The following CLIC5 variants were observed in gnomAD, a reference collection of about 807,000 sequenced individuals.
CLIC5 encodes CLIC family member 5, also known as chloride intracellular channel protein 5.
In CLIC5, 20 loss-of-function variants were observed where a neutral mutation model predicts 24.7. That is an observed-to-expected ratio of 0.81 (90% CI 0.57 to 1.18). The LOEUF (loss-of-function observed/expected upper bound fraction) is 1.18, where lower values mean the gene tolerates loss of function less well. Ranked by LOEUF, CLIC5 falls within the 50% of genes most tolerant of loss-of-function variation. The probability of loss-of-function intolerance (pLI) is 0.00; values close to 1 mark genes in which losing one functional copy is unlikely to be tolerated. For missense variants in CLIC5, 341 were observed against 326.1 expected (o/e 1.05, Z -0.35); for synonymous variants, 159 against 135.6 (o/e 1.17, Z -1.20).
At chr6:45,920,795 G>T in intron 4 of CLIC5, 1 of 255,160 alleles carries the variant, frequency 3.9e-6, no homozygotes, top group Non-Finnish European at 6.2e-6. Context: ...GGATTGGGAG[G>T]GTGAGGAAAA....
At chr6:45,958,280 T>C (rs12192179) in intron 1 of CLIC5, among the ~76,000 whole-genome samples, 1 of 150,830 alleles carries the variant, frequency 6.6e-6, no homozygotes, top group East Asian at 2.0e-4. Flanking sequence ...AAGAGACAAG[T>C]AGAGCCTGGC....
At chr6:46,002,350 T>A (rs912327709) in intron 1 of CLIC5, among the ~76,000 whole-genome samples, 4 of 152,148 alleles carry the variant, frequency 2.6e-5, no homozygotes, top group African/African-American at 9.7e-5. Context: ...TTCTCTCAAG[T>A]CAGTGGCTTC....
At chr6:46,044,279 C>T (rs929428035) in intron 1 of CLIC5, among the ~76,000 whole-genome samples, 2 of 152,246 alleles carry the variant, frequency 1.3e-5, no homozygotes, top group South Asian at 2.1e-4. Context: ...AAAATAACCA[C>T]CTCAGATCAT....
At chr6:46,000,853 G>A (rs951162764) in intron 1 of CLIC5, among the ~76,000 whole-genome samples, 2 of 152,070 alleles carry the variant, frequency 1.3e-5, no homozygotes, top group Non-Finnish European at 2.9e-5. Flanking sequence ...GATTTGGGTG[G>A]GGATGCAGAG....
In CLIC5 at chr6:45,902,522, T is replaced by C. The variant is rs1762537218; in HGVS notation, c.*566A>G. 1 of 153,960 alleles carries C rather than the reference T, an allele frequency of 6.5e-6. No individual in the cohort carries two copies. Among genetic ancestry groups the C allele is most frequent in the East Asian group, 1.9e-4 (1 of 5,200 alleles). 9.5% of individuals were successfully genotyped at this position (153,960 alleles called of 1,614,324 possible). A position where few individuals can be genotyped will look rare whatever the true frequency, so the allele number is the denominator to read the frequency against. ...TCAAGTGACTTTCCAGTCTGGCCCTTAGTGCCCAATAACCAGAGTGTCAGA... is the reference window on the plus strand; with the variant it reads ...TCAAGTGACTTTCCAGTCTGGCCCTCAGTGCCCAATAACCAGAGTGTCAGA... On this transcript the variant is annotated 3_prime_UTR_variant, in exon 6 of 6. Transcript: ENST00000339561.
At chr6:46,085,034 T>C (rs1763001486), upstream of CLIC5, among the ~76,000 whole-genome samples, 1 of 152,222 alleles carries the variant, frequency 6.6e-6, no homozygotes, top group South Asian at 2.1e-4. Context: ...TCATCTTCCA[T>C]CACTGATATC....
intron 1 of CLIC5, among the ~76,000 whole-genome samples, chr6:46,032,992 T>C (rs1385747652): frequency 6.9e-6 from 1 of 143,972 alleles, no homozygotes; most frequent in Admixed American, 6.9e-5. Flanking sequence ...TTTTTTTTTT[T>C]TTTTTTTTTT....
intron 1 of CLIC5, among the ~76,000 whole-genome samples, chr6:45,956,472 T>C (rs1178441435): frequency 2.8e-5 from 1 of 35,618 alleles, no homozygotes; most frequent in East Asian, 6.6e-4. Context: ...CTTACTGAGT[T>C]TTTTTTTTTT....
At chr6:46,107,725 TA>T in the CLIC5 span, among the ~76,000 whole-genome samples, 1 of 152,136 alleles carries the variant, frequency 6.6e-6, no homozygotes, top group East Asian at 1.9e-4. Context: ...ATTGAAGGAA[TA>T]AAAATAATAA....
intron 1 of CLIC5, among the ~76,000 whole-genome samples, chr6:45,960,459 G>C (rs953279869): frequency 3.3e-5 from 5 of 152,190 alleles, no homozygotes; most frequent in African/African-American, 1.2e-4. Flanking sequence ...GAGAACTAGA[G>C]GGGCACTGCA....
chr6:45,968,942 A>G (rs1538331), intron 1 of CLIC5, among the ~76,000 whole-genome samples: 103,879 of 152,076 alleles, frequency 0.68, 35,959 homozygotes, highest in Admixed American at 0.75. Context: ...TGTGTGACCT[A>G]GGGCAAGTAA....
intron 1 of CLIC5, among the ~76,000 whole-genome samples, chr6:46,024,328 G>A (rs1169369087): frequency 6.6e-6 from 1 of 152,146 alleles, no homozygotes; most frequent in Non-Finnish European, 1.5e-5. Flanking sequence ...TCAGAACACT[G>A]CAATCTCTAG....
At chr6:45,891,001 A>G (rs1246855717) in intron 6 of CLIC5, among the ~76,000 whole-genome samples, 1 of 152,192 alleles carries the variant, frequency 6.6e-6, no homozygotes, top group Non-Finnish European at 1.5e-5. Context: ...AGTGTTGGCA[A>G]TCTATTGCAC....
chr6:46,025,549 T>C (rs2127452568), intron 1 of CLIC5, among the ~76,000 whole-genome samples: 1 of 152,362 alleles, frequency 6.6e-6, no homozygotes, highest in East Asian at 1.9e-4. Flanking sequence ...AGTATGACTT[T>C]ATTACTAATG....
intron 1 of CLIC5, among the ~76,000 whole-genome samples, chr6:46,028,481 A>C (rs1562013027): frequency 6.6e-6 from 1 of 152,230 alleles, no homozygotes; most frequent in East Asian, 1.9e-4. Flanking sequence ...TGAAGATAAA[A>C]TATTGTAATA....
At chr6:46,006,127 C>CGTATAT (rs1480746262) in intron 1 of CLIC5, among the ~76,000 whole-genome samples, 10 of 35,180 alleles carry the variant, frequency 2.8e-4, no homozygotes, top group Non-Finnish European at 4.5e-4. Flanking sequence ...TGTATAAATA[C>CGTATAT]ATATATATAT....
chr6:45,962,888 G>T (rs369943870), intron 1 of CLIC5, among the ~76,000 whole-genome samples: 2 of 152,178 alleles, frequency 1.3e-5, no homozygotes, highest in South Asian at 2.1e-4. Context: ...GCCCATTGGG[G>T]TGTCTGTCCT....
intron 5 of CLIC5, among the ~76,000 whole-genome samples, chr6:45,909,887 G>T (rs1209052294): frequency 6.6e-6 from 1 of 152,208 alleles, no homozygotes; most frequent in East Asian, 1.9e-4. Context: ...CCCATTCAGA[G>T]AAGCCCCAGA....
At position 45,902,826 on chromosome 6, in the gene CLIC5, A is replaced by G; in HGVS notation, c.*262T>C. On this transcript the variant is annotated 3_prime_UTR_variant, in exon 6 of 6. Transcript: ENST00000339561. ...GGGCTCTCCAACACTGACTGACCCC[A>G]AACATGCTGAGCCCAGATCAGGCTG... 1 of 494,460 alleles carries G rather than the reference A, an allele frequency of 2.0e-6. No homozygotes were observed. Among genetic ancestry groups the G allele is most frequent in the African/African-American group, 2.0e-5 (1 of 50,430 alleles). 30.6% of individuals were successfully genotyped at this position (494,460 alleles called of 1,614,324 possible).
Sources: gnomAD v4.1 joint callset for allele counts (sites outside exome capture counted in the v4.1 genomes callset) on GRCh38, gnomAD v4.1.1 for gene constraint, MANE v1.5 for transcripts, NCBI Gene and HGNC (gene_info 2026-07-23, HGNC 2026-07-21) for gene names.